Variants in GALNT18 observed in about 807,000 individuals in gnomAD.
GALNT18 encodes polypeptide N-acetylgalactosaminyltransferase 18.
GALNT18 carries 44 observed loss-of-function variants against 69.5 expected under a neutral mutation model. That is an observed-to-expected ratio of 0.63 (90% CI 0.50 to 0.81). GALNT18 has a LOEUF of 0.81. Among genes scored for constraint, GALNT18 ranks in the 40% least tolerant of loss-of-function variants. GALNT18 has a pLI of 0.00. For synonymous variants in GALNT18, 364 were observed against 318.2 expected, an observed-to-expected ratio of 1.14 and a Z score of -1.53; for missense variants, 715 against 810.0, an observed-to-expected ratio of 0.88 and a Z score of 1.42.
chr11:11,446,783 C>T (rs975569446), intron 2 of GALNT18, among the ~76,000 whole-genome samples: 2 of 152,184 alleles, frequency 1.3e-5, no homozygotes, highest in Non-Finnish European at 2.9e-5. Flanking sequence ...TAGCATATTG[C>T]TAATCTGCTC....
intron 1 of GALNT18, among the ~76,000 whole-genome samples, chr11:11,453,254 C>T (rs1590017145): frequency 6.6e-6 from 1 of 152,144 alleles, no homozygotes; most frequent in Non-Finnish European, 1.5e-5. Flanking sequence ...CATGCCACGT[C>T]CTTCTCTGAT....
Position 11,613,858 on chromosome 11 carries a change from T to A in GALNT18, c.235+7501A>T, listed in dbSNP as rs1001148958. ...CATCCAACTTGTATGGCTTCTGCCC[T>A]TCCGCTTCATGCATAATTCCATCTC... On this transcript the variant is annotated intron_variant, in intron 1 of 10. Transcript: ENST00000227756. The surrounding 1 kb of genome is among the most constrained non-coding windows in gnomAD (Gnocchi z 4.2). Among the ~76,000 whole-genome samples, 2 of 152,206 alleles carry A rather than the reference T, an allele frequency of 1.3e-5. No individual in the cohort carries two copies. The highest frequency in any genetic ancestry group is 2.9e-5 in the Non-Finnish European group (2 of 68,042).
intron 10 of GALNT18, among the ~76,000 whole-genome samples, chr11:11,290,006 C>A (rs959216869): frequency 6.6e-6 from 1 of 151,418 alleles, no homozygotes; most frequent in Non-Finnish European, 1.5e-5. Flanking sequence ...GACACCAAGT[C>A]CCCAGGGCTA....
rs1856051036 is a variant in GALNT18, at chr11:11,461,845, G to A, written c.236-12909C>T. Among the ~76,000 whole-genome samples the A allele has an allele frequency of 6.6e-6, 1 of 152,232 alleles. No homozygotes were observed. The highest frequency in any genetic ancestry group is 2.4e-5 in the African/African-American group (1 of 41,460). On this transcript the variant is annotated intron_variant, in intron 1 of 10. Coordinates refer to ENST00000227756, the MANE Select transcript of GALNT18 (RefSeq NM_198516.3). This position sits in a 1 kb window ranked among gnomAD's most constrained non-coding sequence, Gnocchi z 4.1. ...GCCAGACGCCATGACTCCTTTCAAGGCTCTGCTACAAGAGTCCTTGCTTTG... is the reference window on the plus strand; with the variant it reads ...GCCAGACGCCATGACTCCTTTCAAGACTCTGCTACAAGAGTCCTTGCTTTG...
intron 1 of GALNT18, among the ~76,000 whole-genome samples, chr11:11,508,005 C>T (rs1007206637): frequency 1.1e-4 from 16 of 152,264 alleles, no homozygotes; most frequent in Middle Eastern, 6.8e-3. Flanking sequence ...TGAGGTATGA[C>T]GGCATTATTG....
chr11:11,460,584 T>G (rs1856017330), intron 1 of GALNT18, among the ~76,000 whole-genome samples: 1 of 152,194 alleles, frequency 6.6e-6, no homozygotes, highest in Non-Finnish European at 1.5e-5. Flanking sequence ...CCTTTTGGCC[T>G]TTCCTCCCTC....
At chr11:11,409,377 GCC>G (rs1242609188) in intron 3 of GALNT18, among the ~76,000 whole-genome samples, 1 of 152,184 alleles carries the variant, frequency 6.6e-6, no homozygotes, top group Non-Finnish European at 1.5e-5. Flanking sequence ...CAGAATCAAA[GCC>G]GCCTCTGCTC....
At position 11,555,083 on chromosome 11, in the gene GALNT18, A is replaced by C. The variant is rs1858295336; in HGVS notation, c.235+66276T>G. Among the ~76,000 whole-genome samples, 1 of 152,212 alleles carries C rather than the reference A, an allele frequency of 6.6e-6. No homozygotes were observed. Among genetic ancestry groups the C allele is most frequent in the Non-Finnish European group, 1.5e-5 (1 of 68,036 alleles). On this transcript the variant is annotated intron_variant, in intron 1 of 10. Transcript: ENST00000227756. This position sits in a 1 kb window ranked among gnomAD's most constrained non-coding sequence, Gnocchi z 4.7. ...GTGTCTATCATTTCTGCCATTCTAC[A>C]GTTGTGGAAATTGACACTTAAAGAG...
chr11:11,300,767 T>C (rs1328469657), intron 9 of GALNT18, among the ~76,000 whole-genome samples: 1 of 152,182 alleles, frequency 6.6e-6, no homozygotes, highest in East Asian at 1.9e-4. Flanking sequence ...GGCAGGGGTC[T>C]CCACCTTGGC....
intron 10 of GALNT18, among the ~76,000 whole-genome samples, chr11:11,281,503 G>T (rs991895024): frequency 6.6e-6 from 1 of 152,144 alleles, no homozygotes; most frequent in East Asian, 1.9e-4. Context: ...CCTTGGGGCC[G>T]GCCCAGGCCT....
intron 1 of GALNT18, among the ~76,000 whole-genome samples, chr11:11,452,417 C>T (rs377465386): frequency 6.6e-6 from 1 of 152,212 alleles, no homozygotes; most frequent in African/African-American, 2.4e-5. Context: ...ACATAGTAAG[C>T]TCTCCATAAA....
Position 11,356,391 on chromosome 11 carries a change from AAAG to A in GALNT18, c.1093-15390_1093-15388del, listed in dbSNP as rs1227516108. Among the ~76,000 whole-genome samples the A allele has an allele frequency of 1.3e-5, 2 of 152,218 alleles. No homozygotes were observed. The highest frequency in any genetic ancestry group is 1.9e-4 in the East Asian group (1 of 5,202). Reference sequence around the variant, plus strand: ...TACCGACCAGCATGCAGACTCAGCTAAAGAAGAACAAAGAACAAAAATGGAAAC... The same window carrying A: ...TACCGACCAGCATGCAGACTCAGCTAAAGAACAAAGAACAAAAATGGAAAC... On this transcript the variant is annotated intron_variant, in intron 6 of 10. Coordinates refer to ENST00000227756, the MANE Select transcript of GALNT18 (RefSeq NM_198516.3). The surrounding 1 kb of genome is among the most constrained non-coding windows in gnomAD (Gnocchi z 4.4).
Position 11,411,616 on chromosome 11 carries a change from C to G in GALNT18, c.595+21005G>C, listed in dbSNP as rs553894167. Among the ~76,000 whole-genome samples, 20 of 152,360 alleles carry G rather than the reference C, an allele frequency of 1.3e-4. 1 individual carries two copies. The highest frequency in any genetic ancestry group is 4.6e-4 in the African/African-American group (19 of 41,600). The stretch of plus-strand genomic sequence containing the variant: ...CCTTCTACAGCAAATCTCTCACCTG[C>G]TCAGCCTGGAACTGCTCACATTATC... On this transcript the variant is annotated intron_variant, in intron 3 of 10. Coordinates refer to ENST00000227756, the MANE Select transcript of GALNT18 (RefSeq NM_198516.3).
rs760109125 is a variant in GALNT18 at position 11,341,452 on chromosome 11, C to T, written c.1093-448G>A. Among the ~76,000 whole-genome samples the T allele has an allele frequency of 6.6e-6, 1 of 152,086 alleles. No individual in the cohort carries two copies. Among genetic ancestry groups the T allele is most frequent in the South Asian group, 2.1e-4 (1 of 4,834 alleles). On this transcript the variant is annotated intron_variant, in intron 6 of 10. Coordinates refer to ENST00000227756, the MANE Select transcript of GALNT18 (RefSeq NM_198516.3). The surrounding 1 kb of genome is among the most constrained non-coding windows in gnomAD (Gnocchi z 6.3). ...TTCAAATGGACCACATGGGCCTGGA[C>T]AAGAATTAGTGATCACCACAGAGAA...
At chr11:11,594,405 A>G (rs1166465999) in intron 1 of GALNT18, among the ~76,000 whole-genome samples, 1 of 152,142 alleles carries the variant, frequency 6.6e-6, no homozygotes, top group African/African-American at 2.4e-5. Flanking sequence ...CATTACCACA[A>G]TCTAATTTTA....
chr11:11,292,051 A>G (rs984628622), intron 10 of GALNT18, among the ~76,000 whole-genome samples: 4 of 152,094 alleles, frequency 2.6e-5, no homozygotes, highest in Non-Finnish European at 5.9e-5. Context: ...CCAGGGGAGA[A>G]GCAGCTTGCC....
intron 9 of GALNT18, among the ~76,000 whole-genome samples, chr11:11,299,529 C>T (rs565682679): frequency 6.6e-6 from 1 of 152,296 alleles, no homozygotes; most frequent in Non-Finnish European, 1.5e-5. Flanking sequence ...TACACCTTTG[C>T]ATCCTCATAG....
At chr11:11,350,182 T>C (rs1404732373) in intron 6 of GALNT18, among the ~76,000 whole-genome samples, 1 of 152,198 alleles carries the variant, frequency 6.6e-6, no homozygotes, top group African/African-American at 2.4e-5. Flanking sequence ...AAACAGCTGC[T>C]TACCCACAGG....
chr11:11,329,374 A>G lies in GALNT18; in HGVS notation c.1417-2193T>C, dbSNP rs1259537443. On this transcript the variant is annotated intron_variant, in intron 8 of 10. Coordinates refer to ENST00000227756, the MANE Select transcript of GALNT18 (RefSeq NM_198516.3). ...AATTCTCATAATGACTAGCCAGCCC[A>G]GAGATATTATCTCTTTTAAGGATGA... is the stretch of plus-strand genomic sequence containing the variant. 2.0e-5 allele frequency among the ~76,000 whole-genome samples: 3 copies of G among 152,170 alleles called. No homozygotes were observed. In the East Asian group the frequency reaches 5.8e-4, roughly 29 times the overall value.
Sources: gnomAD v4.1 joint callset for allele counts (sites outside exome capture counted in the v4.1 genomes callset) on GRCh38, gnomAD v4.1.1 for gene constraint, Gnocchi (gnomAD v3.1) non-coding constraint, MANE v1.5 for transcripts, NCBI Gene and HGNC (gene_info 2026-07-23, HGNC 2026-07-21) for gene names.